The following ARHGAP36 variants were observed in gnomAD, a reference collection of about 807,000 sequenced individuals.
The protein encoded by ARHGAP36 is rho GTPase-activating protein 36.
Under a neutral mutation model 32.9 loss-of-function variants are expected in ARHGAP36, and 7 were observed. The observed-to-expected ratio is 0.21, with a 90% CI of 0.12 to 0.40. The LOEUF (loss-of-function observed/expected upper bound fraction) is 0.40, where lower values mean the gene tolerates loss of function less well. Among genes scored for constraint, ARHGAP36 ranks in the 10% least tolerant of loss-of-function variants. The pLI, the probability that ARHGAP36 is intolerant of heterozygous loss-of-function variation, is 1.00. For missense variants in ARHGAP36, 383 were observed against 442.2 expected, an observed-to-expected ratio of 0.87 and a Z score of 1.20; for synonymous variants, 165 against 168.3, an observed-to-expected ratio of 0.98 and a Z score of 0.15.
intron 5 of ARHGAP36, 72 bp from the exon 6 acceptor site, chrX:131,084,554 G>T (rs1207627684): frequency 5.1e-6 from 6 of 1,172,509 alleles, no homozygotes; most frequent in Non-Finnish European, 3.5e-6. Flanking sequence ...GCAGTAGGGG[G>T]TGAGGGGAGA....
At chrX:131,066,798 T>C (rs2079701153) in intron 1 of ARHGAP36, among the ~76,000 whole-genome samples, 1 of 111,691 alleles carries the variant, frequency 9.0e-6, no homozygotes. Flanking sequence ...GCCTGATGTA[T>C]GAAGTGTAAA....
Position 131,085,372 on chromosome X carries a change from A to C in ARHGAP36, c.956-216A>C, listed in dbSNP as rs1437530758. Among the ~76,000 whole-genome samples the C allele has an allele frequency of 9.2e-5, 10 of 108,407 alleles. No individual in the cohort carries two copies. The East Asian group carries it at 1.7e-3, about 19-fold the overall frequency. 94.1% of individuals were successfully genotyped at this position (108,407 alleles called of 115,157 possible). ...CCCTCTCAGGTCAAAAAAAAAAAAA[A>C]CCACCCAGGTTCTGTAGAGGAGGTC... On this transcript the variant is annotated intron_variant, in intron 7 of 11. Coordinates refer to ENST00000276211, the MANE Select transcript of ARHGAP36 (RefSeq NM_144967.4).
At chrX:131,069,766 A>T (rs1234560942) in intron 1 of ARHGAP36, among the ~76,000 whole-genome samples, 1 of 112,118 alleles carries the variant, frequency 8.9e-6, no homozygotes, top group African/African-American at 3.2e-5. Flanking sequence ...TGGATTTGTG[A>T]TGAGGCTGTT....
Position 131,058,383 on chromosome X carries a change from G to T in ARHGAP36, c.-204G>T. On this transcript the variant is annotated 5_prime_UTR_variant, in exon 1 of 12. Transcript: ENST00000276211. Reference sequence around the variant, plus strand: ...TGCGAGCTGCCGGGCACTCAGCGCGGGTCATGGCGTGGATACTGGACTGCC... The same window carrying T: ...TGCGAGCTGCCGGGCACTCAGCGCGTGTCATGGCGTGGATACTGGACTGCC... The T allele has an allele frequency of 8.9e-7, 1 of 1,127,029 alleles. No individual in the cohort carries two copies. The highest frequency in any genetic ancestry group is 2.4e-4 in the Middle Eastern group (1 of 4,177). The allele number at this position is 1,127,029 out of a possible 1,213,427, so 92.9% of individuals were successfully genotyped here.
At chrX:131,084,546 A>C in intron 5 of ARHGAP36, 80 bp from the exon 6 acceptor site, 3 of 1,157,798 alleles carry the variant, frequency 2.6e-6, no homozygotes, top group Non-Finnish European at 3.5e-6. Context: ...GTCGCGATGC[A>C]GTAGGGGGTG....
chrX:131,084,611 G>C lies in ARHGAP36; in HGVS notation c.749-15G>C. The stretch of plus-strand genomic sequence containing the variant: ...GATTCAGAGATGCTTAGCATCCCCT[G>C]GTCTTTTCTTTCAGGCTTAAGCGCA... On this transcript the variant is annotated splice_polypyrimidine_tract_variant and intron_variant, in intron 5 of 11. Coordinates refer to ENST00000276211, the MANE Select transcript of ARHGAP36 (RefSeq NM_144967.4). 8.3e-7 allele frequency: 1 copy of C among 1,210,560 alleles called. No individual in the cohort carries two copies. Among genetic ancestry groups the C allele is most frequent in the Non-Finnish European group, 1.1e-6 (1 of 894,615 alleles).
chrX:131,075,810 C>T (rs2079760740), intron 1 of ARHGAP36, among the ~76,000 whole-genome samples: 1 of 111,079 alleles, frequency 9.0e-6, no homozygotes, highest in South Asian at 3.8e-4. Flanking sequence ...GTGGTGAATA[C>T]CAAGAACTGC....
chrX:131,069,304 T>G (rs901815847), intron 1 of ARHGAP36, among the ~76,000 whole-genome samples: 1 of 111,702 alleles, frequency 9.0e-6, no homozygotes, highest in Non-Finnish European at 1.9e-5. Flanking sequence ...GACCTCCCCC[T>G]CCGACTACCC....
At chrX:131,072,228 G>A (rs745412206) in intron 1 of ARHGAP36, among the ~76,000 whole-genome samples, 1 of 111,738 alleles carries the variant, frequency 8.9e-6, no homozygotes, top group African/African-American at 3.3e-5. Context: ...GTCGATGGAG[G>A]ACTTTGTGAA....
chrX:131,077,807 T>TATATATATATATATA (rs1569366758), intron 1 of ARHGAP36, among the ~76,000 whole-genome samples: 6 of 88,068 alleles, frequency 6.8e-5, no homozygotes, highest in African/African-American at 3.0e-4. Flanking sequence ...ATATATATAT[T>TATATATATATATATA]GCTAGTGACA....
rs1471133258 is a variant in ARHGAP36 at position 131,089,461 on chromosome X, T to C, written c.*676T>C. 1 of 112,611 alleles carries C rather than the reference T, an allele frequency of 8.9e-6. No homozygotes were observed. Among genetic ancestry groups the C allele is most frequent in the Non-Finnish European group, 1.9e-5 (1 of 53,275 alleles). 9.3% of individuals were successfully genotyped at this position (112,611 alleles called of 1,213,427 possible). On this transcript the variant is annotated 3_prime_UTR_variant, in exon 12 of 12. Coordinates refer to ENST00000276211, the MANE Select transcript of ARHGAP36 (RefSeq NM_144967.4). ...CTCAAGTGTAGGTCTAATTAGTGTTTCTGGGATCCAAAGTTAGAGGAAAAT... is the reference window on the plus strand; with the variant it reads ...CTCAAGTGTAGGTCTAATTAGTGTTCCTGGGATCCAAAGTTAGAGGAAAAT...
intron 1 of ARHGAP36, among the ~76,000 whole-genome samples, chrX:131,078,335 T>A (rs1471286275): frequency 8.9e-6 from 1 of 112,103 alleles, no homozygotes; most frequent in Non-Finnish European, 1.9e-5. Flanking sequence ...GGCTTTGAAC[T>A]CAGTTATATT....
chrX:131,068,374 A>G (rs1251515787), intron 1 of ARHGAP36, among the ~76,000 whole-genome samples: 1 of 112,372 alleles, frequency 8.9e-6, no homozygotes, highest in Non-Finnish European at 1.9e-5. Flanking sequence ...CGGGGCGGGC[A>G]CAGATGCTCT....
rs1020181354 is a variant in ARHGAP36, at chrX:131,078,632, G to A, written c.-142-2892G>A. On this transcript the variant is annotated intron_variant, in intron 1 of 11. Coordinates refer to ENST00000276211, the MANE Select transcript of ARHGAP36 (RefSeq NM_144967.4). ...CTGTTATGTGCCTCTCTCATAGTGC[G>A]AAAGCCTGCCTACTCATTCCCCCTC... is the stretch of plus-strand genomic sequence containing the variant. 1.1e-5 allele frequency: 7 copies of A among 631,368 alleles called. No individual in the cohort carries two copies. In the East Asian group the frequency reaches 3.7e-4, roughly 34 times the overall value. 52.0% of individuals were successfully genotyped at this position (631,368 alleles called of 1,213,427 possible).
At chrX:131,061,878 C>A (rs1008286537) in intron 1 of ARHGAP36, among the ~76,000 whole-genome samples, 1 of 112,457 alleles carries the variant, frequency 8.9e-6, no homozygotes, top group Non-Finnish European at 1.9e-5. Context: ...TGAAAACTGG[C>A]AGAAAATAAT....
chrX:131,085,475 T>C, intron 7 of ARHGAP36, 113 bp from the exon 8 acceptor site: 1 of 950,060 alleles, frequency 1.1e-6, no homozygotes, highest in Non-Finnish European at 1.4e-6. Context: ...GCAAGATGCC[T>C]GGGTACTTTC....
intron 1 of ARHGAP36, among the ~76,000 whole-genome samples, chrX:131,074,290 C>A (rs1006540211): frequency 1.8e-5 from 2 of 110,712 alleles, no homozygotes; most frequent in Non-Finnish European, 3.8e-5. Flanking sequence ...TCCCTTTTTC[C>A]CTCTCTTGTA....
intron 2 of ARHGAP36, among the ~76,000 whole-genome samples, chrX:131,082,755 C>G (rs1171358040): frequency 8.8e-6 from 1 of 113,172 alleles, no homozygotes; most frequent in Non-Finnish European, 1.9e-5. Context: ...CAACCTGGTG[C>G]GAGCGCGCCC....
At chrX:131,063,701 G>A (rs1229135266) in intron 1 of ARHGAP36, among the ~76,000 whole-genome samples, 1 of 108,377 alleles carries the variant, frequency 9.2e-6, no homozygotes, top group Non-Finnish European at 1.9e-5. Flanking sequence ...CCCTCCCTGG[G>A]ATTATATCCA....
Sources: gnomAD v4.1 joint callset for allele counts (sites outside exome capture counted in the v4.1 genomes callset) on GRCh38, gnomAD v4.1.1 for gene constraint, MANE v1.5 for transcripts, NCBI Gene and HGNC (gene_info 2026-07-23, HGNC 2026-07-21) for gene names.